Variants in VASH2 observed in about 807,000 individuals in gnomAD.
VASH2 encodes the protein tubulinyl-Tyr carboxypeptidase 2.
In VASH2, 28 loss-of-function variants were observed where a neutral mutation model predicts 37.2. The ratio of observed to expected loss-of-function variants is 0.75; its 90% CI spans 0.56 to 1.03. The LOEUF (loss-of-function observed/expected upper bound fraction) is 1.03. VASH2 is among the 50% of genes least tolerant of loss of function. VASH2 has a pLI of 0.00. For missense variants in VASH2, 419 were observed against 459.1 expected (o/e 0.91, Z 0.80); for synonymous variants, 188 against 174.7 (o/e 1.08, Z -0.60).
rs528044734 is a variant in VASH2, at chr1:212,988,577, G to A, written c.1061G>A (p.Arg354Gln). The change falls in exon 8 of 8, where the codon CGA becomes CAA. Residue 354 changes from arginine to glutamine, a missense_variant. Transcript: ENST00000517399. ...CTGAATGAAGTGGGCTATCAAATCC[G>A]AATTTAGCCAAGCCATACCGGCCAG... ...STLNEVGYQIRI is the reference protein window; with the variant it reads ...STLNEVGYQIQI 12 of 1,614,008 alleles carry A rather than the reference G, an allele frequency of 7.4e-6. No individual in the cohort carries two copies. The highest frequency in any genetic ancestry group is 5.5e-5 in the South Asian group (5 of 91,066).
At chr1:212,986,386 A>G (rs903544203) in intron 7 of VASH2, among the ~76,000 whole-genome samples, 2 of 152,162 alleles carry the variant, frequency 1.3e-5, no homozygotes, top group Non-Finnish European at 2.9e-5. Context: ...CAAATTAGCT[A>G]TTTGTAAAGA....
Position 212,972,605 on chromosome 1 carries a change from A to C in VASH2, c.523A>C (p.Ile175Leu). 1 of 1,613,984 alleles carries C rather than the reference A, an allele frequency of 6.2e-7. No homozygotes were observed. ...GIYLTNGQPS[I>L]ERFPISFKTY... ...CTACTTAACCAATGGGCAGCCTTCCATTGAGCGGTTCCCCATCAGCTTTAA... is the reference window on the plus strand; with the variant it reads ...CTACTTAACCAATGGGCAGCCTTCCCTTGAGCGGTTCCCCATCAGCTTTAA... The change falls in exon 6 of 8, where the codon ATT becomes CTT. Residue 175 changes from isoleucine to leucine, a missense_variant. Coordinates refer to ENST00000517399, the MANE Select transcript of VASH2 (RefSeq NM_001301056.2).
At chr1:212,952,228 G>T (rs1176955097) in intron 2 of VASH2, among the ~76,000 whole-genome samples, 1 of 152,172 alleles carries the variant, frequency 6.6e-6, no homozygotes, top group Admixed American at 6.5e-5. Context: ...CTCCTCCTCT[G>T]CTCCCCTCTT....
intron 5 of VASH2, among the ~76,000 whole-genome samples, chr1:212,969,664 C>T (rs1666951869): frequency 6.6e-6 from 1 of 152,210 alleles, no homozygotes; most frequent in Non-Finnish European, 1.5e-5. Flanking sequence ...GCCTCCCAAA[C>T]AGACCTGGAT....
At chr1:212,955,330 A>G (rs1176951249) in intron 2 of VASH2, among the ~76,000 whole-genome samples, 1 of 152,206 alleles carries the variant, frequency 6.6e-6, no homozygotes, top group African/African-American at 2.4e-5. Flanking sequence ...AGGTCCAGAT[A>G]TCCCCATCTT....
At chr1:212,961,752 G>A (rs549145162) in intron 3 of VASH2, among the ~76,000 whole-genome samples, 11 of 152,202 alleles carry the variant, frequency 7.2e-5, no homozygotes, top group South Asian at 2.1e-4. Context: ...ACAGGCATCC[G>A]CCACCACACC....
rs566662385 is a variant in VASH2 at position 212,951,975 on chromosome 1, A to G, written c.276+157A>G. On this transcript the variant is annotated intron_variant, in intron 2 of 7. Transcript: ENST00000517399. The surrounding 1 kb of genome is among the most constrained non-coding windows in gnomAD (Gnocchi z 4.4). Reference sequence around the variant, plus strand: ...CATTCCTTCCTGCCAGCCCTTTTCTAATTGAGATATTTAGATTGGAAGCCT... The same window carrying G: ...CATTCCTTCCTGCCAGCCCTTTTCTGATTGAGATATTTAGATTGGAAGCCT... Among the ~76,000 whole-genome samples the G allele has an allele frequency of 1.3e-5, 2 of 152,204 alleles. No individual in the cohort carries two copies. Among genetic ancestry groups the G allele is most frequent in the South Asian group, 4.2e-4 (2 of 4,818 alleles).
intron 3 of VASH2, among the ~76,000 whole-genome samples, chr1:212,964,854 C>CA (rs943334105): frequency 6.6e-6 from 1 of 152,164 alleles, no homozygotes; most frequent in African/African-American, 2.4e-5. Flanking sequence ...TATATTCATC[C>CA]ATCCATTCAT....
At chr1:212,956,501 G>T (rs1666500443) in intron 2 of VASH2, among the ~76,000 whole-genome samples, 1 of 152,172 alleles carries the variant, frequency 6.6e-6, no homozygotes, top group African/African-American at 2.4e-5. Flanking sequence ...AAGGGCTACA[G>T]AAAGACAAAG....
intron 5 of VASH2, chr1:212,966,888 C>A: frequency 2.8e-6 from 1 of 362,906 alleles, no homozygotes; most frequent in South Asian, 2.1e-5. Flanking sequence ...CCACCATGCC[C>A]GGCTAATTTT....
chr1:212,966,884 T>C (rs1002295621), intron 5 of VASH2: 1 of 364,160 alleles, frequency 2.7e-6, no homozygotes. Context: ...CAGGCCACCA[T>C]GCCCGGCTAA....
intron 7 of VASH2, among the ~76,000 whole-genome samples, chr1:212,982,958 A>G (rs1667380115): frequency 1.3e-5 from 2 of 152,202 alleles, no homozygotes; most frequent in Admixed American, 1.3e-4. Flanking sequence ...TCCAATACGG[A>G]AAATAAATGT....
intron 5 of VASH2, chr1:212,968,399 A>C: frequency 1.0e-6 from 1 of 985,462 alleles, no homozygotes. Flanking sequence ...TGTGGCTCAG[A>C]ATTAGACTGG....
At chr1:212,955,499 G>A (rs141697532) in intron 2 of VASH2, among the ~76,000 whole-genome samples, 51 of 152,308 alleles carry the variant, frequency 3.3e-4, no homozygotes, top group South Asian at 6.2e-4. Context: ...GAGGATAATA[G>A]CAGATGGGAA....
intron 5 of VASH2, among the ~76,000 whole-genome samples, chr1:212,969,484 C>T (rs1323052565): frequency 6.6e-6 from 1 of 152,052 alleles, no homozygotes; most frequent in Admixed American, 6.6e-5. Context: ...GCGTGAACCA[C>T]TGCACCTGGC....
intron 3 of VASH2, among the ~76,000 whole-genome samples, chr1:212,964,348 C>A (rs1346165229): frequency 2.0e-5 from 3 of 152,214 alleles, no homozygotes; most frequent in African/African-American, 7.2e-5. Flanking sequence ...GTGGGGCACC[C>A]ATTGACTCTC....
At chr1:212,979,897 A>G (rs1015394549) in intron 7 of VASH2, among the ~76,000 whole-genome samples, 5 of 152,150 alleles carry the variant, frequency 3.3e-5, no homozygotes, top group Non-Finnish European at 7.4e-5. Flanking sequence ...TGTGAACTTA[A>G]ACCAACTCCT....
intron 7 of VASH2, among the ~76,000 whole-genome samples, chr1:212,980,673 T>C (rs1295436306): frequency 6.6e-6 from 1 of 152,226 alleles, no homozygotes; most frequent in Non-Finnish European, 1.5e-5. Context: ...AGTTGTTTAA[T>C]GAAGTCATTG....
At chr1:212,965,423 A>G (rs1666811244) in intron 3 of VASH2, among the ~76,000 whole-genome samples, 1 of 152,196 alleles carries the variant, frequency 6.6e-6, no homozygotes, top group Non-Finnish European at 1.5e-5. Flanking sequence ...CCAGCTCTCA[A>G]AGAGCTTGTA....
Sources: allele counts gnomAD v4.1 joint callset (sites outside exome capture counted in the v4.1 genomes callset), GRCh38; gene constraint gnomAD v4.1.1; non-coding constraint Gnocchi (gnomAD v3.1); transcripts MANE v1.5; gene names NCBI Gene and HGNC (gene_info 2026-07-23, HGNC 2026-07-21).